P2RX6: variants seen among roughly 807,000 people sequenced by gnomAD.
The protein encoded by P2RX6 is purinergic receptor P2X 6.
A neutral mutation model predicts 54.2 loss-of-function variants in P2RX6; 62 were observed. The ratio of observed to expected loss-of-function variants is 1.14; its 90% CI spans 0.93 to 1.41. The LOEUF (loss-of-function observed/expected upper bound fraction) is 1.41, where lower values mean the gene tolerates loss of function less well. Among genes scored for constraint, P2RX6 ranks in the 40% most tolerant of loss-of-function variants. The pLI, the probability that P2RX6 is intolerant of heterozygous loss-of-function variation, is 0.00. For synonymous variants in P2RX6, 211 were observed against 231.9 expected (o/e 0.91, Z 0.82); for missense variants, 541 against 566.3 (o/e 0.96, Z 0.45).
upstream of P2RX6, among the ~76,000 whole-genome samples, chr22:21,014,815 G>A (rs1040263740): frequency 9.2e-5 from 14 of 152,078 alleles, no homozygotes; most frequent in African/African-American, 3.1e-4. Flanking sequence ...CACTTCTTCC[G>A]GAAGCTTTCC....
In P2RX6 at chr22:21,023,178, C is replaced by T. The variant is rs753435216; in HGVS notation, c.618C>T (p.Phe206=). The T allele has an allele frequency of 1.2e-6, 2 of 1,613,976 alleles. No homozygotes were observed. Among genetic ancestry groups the T allele is most frequent in the South Asian group, 1.1e-5 (1 of 91,088 alleles). Residue 206 remains phenylalanine, a synonymous_variant, in exon 6 of 12, where the codon TTC becomes TTT. Coordinates refer to ENST00000413302, the MANE Select transcript of P2RX6 (RefSeq NM_005446.5). ...TGTTCATCAAAAACACAGTCACCTT[C>T]AGCAAGTTCAACTTCTCTAAGTAAG... ...FTLFIKNTVT[F]SKFNFSKSNA... is the part of the protein sequence containing the mutation.
At chr22:21,024,191 T>A (rs533998348) in intron 8 of P2RX6, among the ~76,000 whole-genome samples, 1 of 151,878 alleles carries the variant, frequency 6.6e-6, no homozygotes, top group African/African-American at 2.4e-5. Flanking sequence ...ACCCCTGACC[T>A]CAGGTGATCC....
intron 8 of P2RX6, among the ~76,000 whole-genome samples, chr22:21,024,878 G>GTTTTTTT (rs562371289): frequency 7.2e-5 from 8 of 110,754 alleles, no homozygotes; most frequent in South Asian, 3.2e-4. Context: ...TTTTTTTTGT[G>GTTTTTTT]TTTTTTTTTT....
At chr22:21,019,909 G>A (rs746162341) in intron 3 of P2RX6, among the ~76,000 whole-genome samples, 6 of 152,240 alleles carry the variant, frequency 3.9e-5, no homozygotes, top group Non-Finnish European at 8.8e-5. Flanking sequence ...GTTTAAGAAC[G>A]CCTTTAAGCG....
chr22:21,014,172 C>G (rs547097440), upstream of P2RX6: 1 of 155,980 alleles, frequency 6.4e-6, no homozygotes, highest in East Asian at 1.9e-4. Flanking sequence ...GTCGCCTCTT[C>G]CTCCTGCTTT....
chr22:21,020,767 T>C (rs1432122551), intron 3 of P2RX6, among the ~76,000 whole-genome samples: 1 of 151,952 alleles, frequency 6.6e-6, no homozygotes, highest in African/African-American at 2.4e-5. Flanking sequence ...AATTTTTGTA[T>C]TTTTAATAGA....
At position 21,023,123 on chromosome 22, in the gene P2RX6, C is replaced by T. The variant is rs143629500; in HGVS notation, c.563C>T (p.Pro188Leu). ...PVESGVVPSR[P>L]LLAQAQNFTL... ...CACCTCCCTTCCACCTGCAGGAGGC[C>T]CCTGCTGGCCCAGGCCCAGAACTTC... Residue 188 changes from proline to leucine, a missense_variant, in exon 6 of 12, where the codon CCC (proline) becomes CTC (leucine). Pro to Leu is a moderately conservative substitution (Grantham distance 98). Coordinates refer to ENST00000413302, the MANE Select transcript of P2RX6 (RefSeq NM_005446.5). The T allele has an allele frequency of 8.1e-6, 13 of 1,613,668 alleles. No individual in the cohort carries two copies. In the African/African-American group the frequency reaches 1.7e-4, roughly 22 times the overall value.
Position 21,023,376 on chromosome 22 carries a change from T to G in P2RX6, c.740T>G (p.Val247Gly). ...YCPVFRIGDL[V>G]AKAGGTFEDL... ...CCCGTGTTCCGCATTGGGGACCTCGTGGCCAAGGCTGGAGGGACCTTCGAG... is the reference window on the plus strand; with the variant it reads ...CCCGTGTTCCGCATTGGGGACCTCGGGGCCAAGGCTGGAGGGACCTTCGAG... Residue 247 changes from valine (V) to glycine (G), a missense_variant, in exon 7 of 12, where the codon GTG (valine) becomes GGG (glycine). By Grantham distance (109) the Val-to-Gly change is moderately radical. Transcript: ENST00000413302. 3 of 1,613,992 alleles carry G rather than the reference T, an allele frequency of 1.9e-6. No homozygotes were observed. Among genetic ancestry groups the G allele is most frequent in the Non-Finnish European group, 2.5e-6 (3 of 1,179,884 alleles).
chr22:21,017,796 C>T (rs1231323497), intron 2 of P2RX6, 193 bp from the exon 3 acceptor site: 1 of 670,314 alleles, frequency 1.5e-6, no homozygotes, highest in Non-Finnish European at 2.8e-6. Context: ...GACATGGGCA[C>T]AAGGCTTCCT....
intron 3 of P2RX6, 59 bp downstream of exon 3, chr22:21,018,119 C>A: frequency 9.1e-7 from 1 of 1,095,130 alleles, no homozygotes; most frequent in Non-Finnish European, 1.4e-6. Flanking sequence ...CCCCAGGGGG[C>A]CACCCGTGTT....
At chr22:21,024,898 T>TTC (rs1207446357) in intron 8 of P2RX6, among the ~76,000 whole-genome samples, 1 of 147,740 alleles carries the variant, frequency 6.8e-6, no homozygotes, top group Non-Finnish European at 1.5e-5. Context: ...TTTTTTTTTT[T>TTC]AGATGAAGTT....
intron 3 of P2RX6, 88 bp from the exon 4 acceptor site, chr22:21,022,588 C>T (rs760819543): frequency 7.8e-6 from 8 of 1,028,258 alleles, no homozygotes; most frequent in African/African-American, 3.3e-5. Flanking sequence ...CCTGTCCTTC[C>T]CACCTTGAAC....
intron 3 of P2RX6, among the ~76,000 whole-genome samples, chr22:21,019,954 C>T (rs925779667): frequency 6.6e-6 from 1 of 152,172 alleles, no homozygotes; most frequent in Non-Finnish European, 1.5e-5. Flanking sequence ...TTTTCCTTGC[C>T]CTCATTCCGG....
intron 3 of P2RX6, among the ~76,000 whole-genome samples, chr22:21,019,838 G>A (rs1286344668): frequency 2.0e-5 from 3 of 152,266 alleles, no homozygotes; most frequent in Non-Finnish European, 2.9e-5. Flanking sequence ...ATGGGCTCTG[G>A]TTGGTTAGCT....
Position 21,015,352 on chromosome 22 carries a change from G to C in P2RX6, c.164+14G>C. The C allele has an allele frequency of 6.5e-7, 1 of 1,541,700 alleles. No homozygotes were observed. On this transcript the variant is annotated intron_variant, in intron 1 of 11. Coordinates refer to ENST00000413302, the MANE Select transcript of P2RX6 (RefSeq NM_005446.5). ...CTATGTGGTAGGGTAAGAGAGAAGA[G>C]CTTTTGGCCAGGCTGGAGGGGCAAG...
In P2RX6 at chr22:21,026,480, G is replaced by A; in HGVS notation, c.1189G>A (p.Ala397Thr). 6.2e-7 allele frequency: 1 copy of A among 1,600,740 alleles called. No individual in the cohort carries two copies. Residue 397 changes from alanine to threonine, a missense_variant, in exon 12 of 12, where the codon GCC (alanine) becomes ACC (threonine). This residue lies in a region of P2RX6 where 526 missense variants were observed against 531.5 expected (regional missense o/e 0.99). Transcript: ENST00000413302. The surrounding 1 kb of genome is among the most constrained non-coding windows in gnomAD (Gnocchi z 4.0). Reference protein sequence around the residue: ...VWRELALASQARLAECLRRSS... With the variant: ...VWRELALASQTRLAECLRRSS... ...GAGGGAGCTGGCCCTTGCATCCCAA[G>A]CCCGACTGGCCGAGTGCCTCAGACG...
Position 21,027,183 on chromosome 22 carries a change from A to G in P2RX6, c.*566A>G, listed in dbSNP as rs1055962592. 2 of 154,748 alleles carry G rather than the reference A, an allele frequency of 1.3e-5. No individual in the cohort carries two copies. Among genetic ancestry groups the G allele is most frequent in the African/African-American group, 2.4e-5 (1 of 41,430 alleles). The allele number at this position is 154,748 out of a possible 1,614,324, so 9.6% of individuals were successfully genotyped here. On this transcript the variant is annotated 3_prime_UTR_variant, in exon 12 of 12. Transcript: ENST00000413302. ...CCCCAGGAGAGTCCTAATCTAGGGA[A>G]TGGGGTGGAGTAGGCAGATAATCCA...
At chr22:21,017,876 G>C (rs1211121226) in intron 2 of P2RX6, 113 bp from the exon 3 acceptor site, 2 of 730,784 alleles carry the variant, frequency 2.7e-6, no homozygotes, top group South Asian at 1.5e-5. Context: ...AGGGGGACAG[G>C]GTTAATGACT....
In P2RX6 at chr22:21,027,018, C is replaced by A. The variant is rs1004162393; in HGVS notation, c.*401C>A. On this transcript the variant is annotated 3_prime_UTR_variant, in exon 12 of 12. Coordinates refer to ENST00000413302, the MANE Select transcript of P2RX6 (RefSeq NM_005446.5). The stretch of plus-strand genomic sequence containing the variant: ...TGCCTGGGTCCTGGCCCTCCTCCCC[C>A]ATCTGCACCCCCATCATAGGTAGAG... 2.8e-5 allele frequency: 6 copies of A among 215,266 alleles called. No homozygotes were observed. Among genetic ancestry groups the A allele is most frequent in the South Asian group, 9.8e-5 (1 of 10,234 alleles). 13.3% of individuals were successfully genotyped at this position (215,266 alleles called of 1,614,324 possible). A position where few individuals can be genotyped will look rare whatever the true frequency, so the allele number is the denominator to read the frequency against.
Sources: allele counts gnomAD v4.1 joint callset (sites outside exome capture counted in the v4.1 genomes callset), GRCh38; gene constraint gnomAD v4.1.1; regional missense constraint gnomAD v4.1.1; non-coding constraint Gnocchi (gnomAD v3.1); transcripts MANE v1.5; gene names NCBI Gene and HGNC (gene_info 2026-07-23, HGNC 2026-07-21).